Variants in RANBP1 observed in about 807,000 individuals in gnomAD.
RANBP1 encodes RAN binding protein 1.
Under a neutral mutation model 31.4 loss-of-function variants are expected in RANBP1, and 16 were observed. The observed-to-expected ratio is 0.51, with a 90% CI of 0.34 to 0.77. The LOEUF is 0.77. RANBP1 is among the 30% of genes least tolerant of loss of function. RANBP1 has a pLI of 0.01. For synonymous variants in RANBP1, 129 were observed against 140.5 expected (o/e 0.92, Z 0.58); for missense variants, 265 against 362.0 (o/e 0.73, Z 2.17).
At chr22:20,122,150 G>C in intron 2 of RANBP1, 114 bp from the exon 3 acceptor site, 1 of 1,182,922 alleles carries the variant, frequency 8.5e-7, no homozygotes, top group South Asian at 1.5e-5. Context: ...AGAAGGGCTG[G>C]GGCGTTCGTG....
At chr22:20,126,176 A>C in intron 4 of RANBP1, 127 bp from the exon 5 acceptor site, 2 of 1,117,852 alleles carry the variant, frequency 1.8e-6, no homozygotes, top group Non-Finnish European at 2.6e-6. Context: ...CAGGTGGACC[A>C]GTCCTTTCTT....
intron 1 of RANBP1, 54 bp downstream of exon 1, chr22:20,116,484 T>C: frequency 6.2e-7 from 1 of 1,612,824 alleles, no homozygotes. Flanking sequence ...GCCCCGGCCC[T>C]GTAGCCGCCC....
chr22:20,124,980 T>G, intron 3 of RANBP1: 5 of 330,238 alleles, frequency 1.5e-5, no homozygotes, highest in East Asian at 9.4e-5. Context: ...CTTCTCTGCA[T>G]TTCTGGAGGT....
In RANBP1 at chr22:20,117,240, G is replaced by A. The variant is rs530018727; in HGVS notation, c.246+810G>A. ...GAGCGTCTCTATGATCCTGGCTTCT[G>A]GCAACGTCATCGTCACGCGCCGGAT... On this transcript the variant is annotated intron_variant, in intron 1 of 5. Coordinates refer to ENST00000430524, the MANE Select transcript of RANBP1 (RefSeq NM_001278639.2). 3.6e-4 allele frequency: 191 copies of A among 536,808 alleles called. 2 individuals are homozygous for A. The South Asian group carries it at 6.7e-3, about 19-fold the overall frequency. The allele number at this position is 536,808 out of a possible 1,614,324, so 33.3% of individuals were successfully genotyped here.
intron 4 of RANBP1, 78 bp downstream of exon 4, chr22:20,125,514 G>T: frequency 6.5e-7 from 1 of 1,549,058 alleles, no homozygotes. Flanking sequence ...TGCAACAAAT[G>T]CTGTTGCCTT....
chr22:20,125,534 G>T, intron 4 of RANBP1, 98 bp downstream of exon 4: 1 of 1,542,676 alleles, frequency 6.5e-7, no homozygotes. Context: ...TTTGGGGAGA[G>T]GGGGCAGTAA....
At chr22:20,125,496 G>A (rs774817014) in intron 4 of RANBP1, 60 bp downstream of exon 4, 407 of 1,555,056 alleles carry the variant, frequency 2.6e-4, no homozygotes, top group Admixed American at 3.9e-4. Flanking sequence ...GCAGCGTGGC[G>A]GGTTATGTGC....
intron 1 of RANBP1, among the ~76,000 whole-genome samples, chr22:20,118,524 G>A (rs770626066): frequency 2.0e-5 from 3 of 152,208 alleles, no homozygotes; most frequent in East Asian, 3.8e-4. Flanking sequence ...CTAAGCAAGA[G>A]CACAACTATT....
intron 1 of RANBP1, chr22:20,117,408 G>A: frequency 8.3e-7 from 1 of 1,210,790 alleles, no homozygotes; most frequent in Non-Finnish European, 1.0e-6. Context: ...GAAGCGCGGG[G>A]CGGGCCGGAC....
chr22:20,122,507 G>A, intron 3 of RANBP1, 86 bp downstream of exon 3: 2 of 1,601,104 alleles, frequency 1.2e-6, no homozygotes, highest in South Asian at 1.1e-5. Flanking sequence ...TGGGAACTGG[G>A]GAGCGTGTTA....
intron 1 of RANBP1, chr22:20,118,206 G>T: frequency 2.0e-6 from 2 of 1,002,454 alleles, no homozygotes; most frequent in Non-Finnish European, 2.4e-6. Flanking sequence ...CTGCAGAGCC[G>T]CAGTGCTGTG....
In RANBP1 at chr22:20,117,017, G is replaced by A. The variant is rs958161033; in HGVS notation, c.246+587G>A. 24 of 1,415,568 alleles carry A rather than the reference G, an allele frequency of 1.7e-5. No homozygotes were observed. The African/African-American group carries it at 2.4e-4, about 14-fold the overall frequency. The allele number at this position is 1,415,568 out of a possible 1,614,324, so 87.7% of individuals were successfully genotyped here. On this transcript the variant is annotated intron_variant, in intron 1 of 5. Coordinates refer to ENST00000430524, the MANE Select transcript of RANBP1 (RefSeq NM_001278639.2). Reference sequence around the variant, plus strand: ...CTGTCACAAGGGAAGTGCTCAGAGGGGAGGTGCTCACAGAGCCGGTGCAAC... The same window carrying A: ...CTGTCACAAGGGAAGTGCTCAGAGGAGAGGTGCTCACAGAGCCGGTGCAAC...
At chr22:20,116,746 T>G in intron 1 of RANBP1, 8 of 1,208,916 alleles carry the variant, frequency 6.6e-6, no homozygotes, top group African/African-American at 1.7e-5. Flanking sequence ...CAGTCTACCC[T>G]CCCGACCCCA....
intron 1 of RANBP1, chr22:20,116,688 C>A: frequency 6.8e-7 from 1 of 1,481,108 alleles, no homozygotes; most frequent in Non-Finnish European, 9.0e-7. Flanking sequence ...CCTTATGGGA[C>A]ACCCAGACCT....
intron 3 of RANBP1, among the ~76,000 whole-genome samples, chr22:20,123,438 GGT>G (rs1203608998): frequency 2.1e-5 from 2 of 93,404 alleles, no homozygotes; most frequent in East Asian, 3.9e-4. Flanking sequence ...TGTTGGGGGG[GGT>G]GTGTGGTGTC....
chr22:20,117,529 G>A (rs1466332747), intron 1 of RANBP1: 1 of 1,336,940 alleles, frequency 7.5e-7, no homozygotes, highest in African/African-American at 1.6e-5. Flanking sequence ...GCGGAGGGAA[G>A]AGCGGGCGGG....
chr22:20,125,479 C>G (rs1257032197), intron 4 of RANBP1, 43 bp downstream of exon 4: 23 of 1,571,780 alleles, frequency 1.5e-5, no homozygotes, highest in Non-Finnish European at 2.0e-5. Flanking sequence ...TGGGGCTCAC[C>G]TGCGTGGCAG....
intron 1 of RANBP1, chr22:20,117,130 G>A: frequency 1.7e-6 from 1 of 597,082 alleles, no homozygotes; most frequent in Non-Finnish European, 2.7e-6. Flanking sequence ...CAGGCTTGGG[G>A]CTGTACCGCC....
chr22:20,117,882 G>A (rs2050077801), intron 1 of RANBP1: 15 of 1,019,040 alleles, frequency 1.5e-5, no homozygotes, highest in Non-Finnish European at 1.8e-5. Context: ...GCAGAGGCCT[G>A]GGGGCTGCAG....
Sources: gnomAD v4.1 joint callset for allele counts (sites outside exome capture counted in the v4.1 genomes callset) on GRCh38, gnomAD v4.1.1 for gene constraint, MANE v1.5 for transcripts, NCBI Gene and HGNC (gene_info 2026-07-23, HGNC 2026-07-21) for gene names.